Variants in MED26 observed in about 807,000 individuals in gnomAD.
The protein encoded by MED26 is mediator of RNA polymerase II transcription subunit 26.
A neutral mutation model predicts 43.7 loss-of-function variants in MED26; 7 were observed. The ratio of observed to expected loss-of-function variants is 0.16; its 90% CI spans 0.09 to 0.30. The LOEUF (loss-of-function observed/expected upper bound fraction) is 0.30, where lower values mean the gene tolerates loss of function less well. Ranked by LOEUF, MED26 falls within the 10% of genes least tolerant of loss-of-function variation. MED26 has a pLI of 1.00. For missense variants in MED26, 784 were observed against 840.6 expected (o/e 0.93, Z 0.83); for synonymous variants, 375 against 371.1 (o/e 1.01, Z -0.12).
intron 1 of MED26, among the ~76,000 whole-genome samples, chr19:16,602,402 C>T (rs949916606): frequency 3.3e-5 from 5 of 152,206 alleles, no homozygotes; most frequent in Non-Finnish European, 1.5e-5. Flanking sequence ...CTCCCCTCAA[C>T]TGTCATGAAT....
chr19:16,619,324 T>G (rs3786601), intron 1 of MED26, among the ~76,000 whole-genome samples: 2 of 152,202 alleles, frequency 1.3e-5, no homozygotes, highest in East Asian at 3.9e-4. Context: ...GCAGCATCTA[T>G]AAAGGGTTCT....
At chr19:16,619,903 T>A (rs2122455561) in intron 1 of MED26, among the ~76,000 whole-genome samples, 1 of 152,272 alleles carries the variant, frequency 6.6e-6, no homozygotes, top group African/African-American at 2.4e-5. Context: ...GGGGGATGTG[T>A]GTCCAGGAAT....
At chr19:16,618,650 G>A (rs1283891730) in intron 1 of MED26, among the ~76,000 whole-genome samples, 3 of 152,174 alleles carry the variant, frequency 2.0e-5, no homozygotes, top group African/African-American at 7.2e-5. Flanking sequence ...GTCACATCAG[G>A]AGAGGTGATG....
intron 1 of MED26, among the ~76,000 whole-genome samples, chr19:16,616,002 G>T (rs2086224574): frequency 6.6e-6 from 1 of 152,188 alleles, no homozygotes; most frequent in South Asian, 2.1e-4. Flanking sequence ...TGCCCAGGAA[G>T]ATGCAGCCCC....
At chr19:16,606,370 G>A (rs1412126022) in intron 1 of MED26, among the ~76,000 whole-genome samples, 3 of 152,152 alleles carry the variant, frequency 2.0e-5, no homozygotes, top group Non-Finnish European at 4.4e-5. Flanking sequence ...GGCCAACATA[G>A]TGAAACCCCC....
chr19:16,614,556 G>T (rs2122446762), intron 1 of MED26, among the ~76,000 whole-genome samples: 1 of 152,122 alleles, frequency 6.6e-6, no homozygotes, highest in Non-Finnish European at 1.5e-5. Flanking sequence ...TAAAAAGGTG[G>T]GGGGTGGGTG....
At position 16,577,175 on chromosome 19, in the gene MED26, C is replaced by T; in HGVS notation, c.655G>A (p.Gly219Ser). Reference sequence around the variant, plus strand: ...CGCACGGCGTTGACGGGGATCTTGCCACTGTGCTTGTCATTCTCGTCACGC... The same window carrying T: ...CGCACGGCGTTGACGGGGATCTTGCTACTGTGCTTGTCATTCTCGTCACGC... ...LERDENDKHSGKIPVNAVRPH... is the reference protein window; with the variant it reads ...LERDENDKHSSKIPVNAVRPH... The change falls in exon 3 of 3, where the codon GGC becomes AGC. Residue 219 changes from glycine (G) to serine (S), a missense_variant. Physicochemically the swap from Gly to Ser is moderately conservative, Grantham distance 56. Transcript: ENST00000263390. The surrounding 1 kb of genome is among the most constrained non-coding windows in gnomAD (Gnocchi z 8.1). The T allele has an allele frequency of 6.2e-7, 1 of 1,613,368 alleles. No individual in the cohort carries two copies. The highest frequency in any genetic ancestry group is 1.3e-5 in the African/African-American group (1 of 75,054).
In MED26 at chr19:16,612,933, G is replaced by A. The variant is rs2086206109; in HGVS notation, c.72+14939C>T. Among the ~76,000 whole-genome samples, 2 of 152,176 alleles carry A rather than the reference G, an allele frequency of 1.3e-5. 1 individual carries two copies. Among genetic ancestry groups the A allele is most frequent in the South Asian group, 4.1e-4 (2 of 4,832 alleles). On this transcript the variant is annotated intron_variant, in intron 1 of 2. Coordinates refer to ENST00000263390, the MANE Select transcript of MED26 (RefSeq NM_004831.5). ...GAAAGACTACCCTTGAAAAAGAACA[G>A]CATTTGTGAAAATCAAAGTTCAGTA...
chr19:16,619,019 A>T (rs12461794), intron 1 of MED26, among the ~76,000 whole-genome samples: 1,842 of 152,266 alleles, frequency 0.012, 85 homozygotes, highest in Admixed American at 0.078. Context: ...GGCCTGCATG[A>T]CCATCAGCCC....
chr19:16,604,994 T>C (rs1348749832), intron 1 of MED26, among the ~76,000 whole-genome samples: 1 of 152,142 alleles, frequency 6.6e-6, no homozygotes, highest in Non-Finnish European at 1.5e-5. Context: ...CCACCAGCAG[T>C]GCCAATGTGG....
intron 1 of MED26, among the ~76,000 whole-genome samples, chr19:16,609,682 C>T (rs189360413): frequency 6.0e-4 from 91 of 151,936 alleles, no homozygotes; most frequent in Admixed American, 3.9e-3. Flanking sequence ...GAAATAGAGT[C>T]TGAATGAAAC....
intron 1 of MED26, among the ~76,000 whole-genome samples, chr19:16,623,070 T>C (rs2086258761): frequency 6.6e-6 from 1 of 152,252 alleles, no homozygotes; most frequent in South Asian, 2.1e-4. Context: ...TGGACAGTCC[T>C]CCAGGGCTCT....
At chr19:16,608,915 A>C (rs2086186149) in intron 1 of MED26, among the ~76,000 whole-genome samples, 1 of 152,254 alleles carries the variant, frequency 6.6e-6, no homozygotes, top group Admixed American at 6.5e-5. Flanking sequence ...GTCATGCCTG[A>C]AGTCATTACA....
intron 1 of MED26, among the ~76,000 whole-genome samples, chr19:16,618,932 C>CCTACTGTGTGAAGGCAACACTG (rs1219010021): frequency 5.3e-4 from 81 of 152,210 alleles, no homozygotes; most frequent in African/African-American, 1.9e-3. Flanking sequence ...AGGAAGACAC[C>CCTACTGTGTGAAGGCAACACTG]CTACTGTGTG....
Position 16,593,791 on chromosome 19 carries a change from T to C in MED26, c.73-15382A>G, listed in dbSNP as rs2086108589. ...GTCAAGGGTGCCATCTCTGAGTGGG[T>C]CCTGGAGATGCTGCTAGACAGAAGG... is the stretch of plus-strand genomic sequence containing the variant. On this transcript the variant is annotated intron_variant, in intron 1 of 2. Coordinates refer to ENST00000263390, the MANE Select transcript of MED26 (RefSeq NM_004831.5). Among the ~76,000 whole-genome samples the C allele has an allele frequency of 2.0e-5, 3 of 152,072 alleles. No individual in the cohort carries two copies. The East Asian group carries it at 5.8e-4, about 29-fold the overall frequency.
intron 1 of MED26, among the ~76,000 whole-genome samples, chr19:16,604,527 G>C (rs554025404): frequency 6.6e-6 from 1 of 152,328 alleles, no homozygotes; most frequent in African/African-American, 2.4e-5. Context: ...GGCCATGCCT[G>C]GATGTGCAGG....
chr19:16,604,084 C>T (rs1312152668), intron 1 of MED26, among the ~76,000 whole-genome samples: 1 of 152,248 alleles, frequency 6.6e-6, no homozygotes, highest in African/African-American at 2.4e-5. Context: ...CTCTGGAAGC[C>T]AGTTCCATGA....
chr19:16,600,102 CCCA>C (rs895197556), intron 1 of MED26, among the ~76,000 whole-genome samples: 1 of 152,164 alleles, frequency 6.6e-6, no homozygotes, highest in African/African-American at 2.4e-5. Flanking sequence ...CAGGCCCAGG[CCCA>C]CCAGGAGCCC....
chr19:16,594,258 G>A (rs574677323), intron 1 of MED26, among the ~76,000 whole-genome samples: 2 of 152,314 alleles, frequency 1.3e-5, no homozygotes, highest in Admixed American at 6.5e-5. Flanking sequence ...GCCACTTGCC[G>A]CCGAGAGCCA....
Sources: gnomAD v4.1 joint callset for allele counts (sites outside exome capture counted in the v4.1 genomes callset) on GRCh38, gnomAD v4.1.1 for gene constraint, Gnocchi (gnomAD v3.1) non-coding constraint, MANE v1.5 for transcripts, NCBI Gene and HGNC (gene_info 2026-07-23, HGNC 2026-07-21) for gene names.